Variants in RNF135 observed in about 807,000 individuals in gnomAD.
The protein encoded by RNF135 is E3 ubiquitin-protein ligase RNF135.
A neutral mutation model predicts 41.9 loss-of-function variants in RNF135; 46 were observed. The observed-to-expected ratio is 1.10, with a 90% CI of 0.87 to 1.40. RNF135 has a LOEUF of 1.40. RNF135 is among the 40% of genes most tolerant of loss of function. The probability of loss-of-function intolerance (pLI) is 0.00; values close to 1 mark genes in which losing one functional copy is unlikely to be tolerated. For missense variants in RNF135, 539 were observed against 549.8 expected (o/e 0.98, Z 0.20); for synonymous variants, 238 against 223.8 (o/e 1.06, Z -0.57).
intron 3 of RNF135, among the ~76,000 whole-genome samples, chr17:30,991,920 T>C (rs1008447375): frequency 6.6e-6 from 1 of 152,010 alleles, no homozygotes; most frequent in Admixed American, 6.6e-5. Flanking sequence ...TATAGACATT[T>C]TTAAATTTAT....
chr17:30,984,031 TGTATATTCTCA>T (rs1289559716), intron 1 of RNF135, among the ~76,000 whole-genome samples: 1 of 152,236 alleles, frequency 6.6e-6, no homozygotes, highest in African/African-American at 2.4e-5. Flanking sequence ...AGAAATTCTC[TGTATATTCTCA>T]GTATTAATGC....
At chr17:30,992,816 A>G (rs1202667341) in intron 3 of RNF135, among the ~76,000 whole-genome samples, 2 of 151,792 alleles carry the variant, frequency 1.3e-5, no homozygotes, top group African/African-American at 4.8e-5. Flanking sequence ...TTCTATTTTC[A>G]TGTAGTAAAT....
chr17:30,989,728 A>G (rs915859913), intron 3 of RNF135, among the ~76,000 whole-genome samples: 2 of 152,178 alleles, frequency 1.3e-5, no homozygotes, highest in Non-Finnish European at 1.5e-5. Flanking sequence ...TGGCCAGTGC[A>G]GTGGCTTATG....
chr17:30,998,241 A>G (rs531274147), intron 4 of RNF135, among the ~76,000 whole-genome samples: 24 of 152,260 alleles, frequency 1.6e-4, no homozygotes, highest in African/African-American at 5.8e-4. Flanking sequence ...TAAAATTGAC[A>G]TATAATAATT....
chr17:30,997,465 A>C (rs1233660890), intron 4 of RNF135, 134 bp downstream of exon 4: 1 of 795,098 alleles, frequency 1.3e-6, no homozygotes, highest in Non-Finnish European at 2.2e-6. Context: ...AGGTCCCTCC[A>C]CGGGGGGAGC....
intron 3 of RNF135, among the ~76,000 whole-genome samples, chr17:30,988,578 C>T (rs1346967766): frequency 6.6e-6 from 1 of 151,274 alleles, no homozygotes; most frequent in Non-Finnish European, 1.5e-5. Context: ...CAGGTGCCCG[C>T]CACCATGCTG....
intron 3 of RNF135, chr17:30,993,818 TAA>T: frequency 1.1e-6 from 1 of 909,548 alleles, no homozygotes; most frequent in Non-Finnish European, 1.7e-6. Context: ...ATTAATTAAT[TAA>T]TTTTTTTATT....
rs147819993 is a variant in RNF135 at position 30,999,122 on chromosome 17, G to A, written c.1230G>A (p.Leu410=). 5.9e-5 allele frequency: 95 copies of A among 1,613,982 alleles called. No homozygotes were observed. The highest frequency in any genetic ancestry group is 7.1e-5 in the Non-Finnish European group (84 of 1,180,032). Residue 410 remains leucine, a synonymous_variant, in exon 5 of 5, where the codon TTG becomes TTA. Transcript: ENST00000328381. Reference sequence around the variant, plus strand: ...GTACCATCTCTGCCTCCTCTCCTTTGTACCCTGCCTTCTGGCTGTATGGCT... The same window carrying A: ...GTACCATCTCTGCCTCCTCTCCTTTATACCCTGCCTTCTGGCTGTATGGCT... ...YECTISASSP[L]YPAFWLYGLH...
chr17:30,984,564 G>T, intron 1 of RNF135, 53 bp from the exon 2 acceptor site: 15 of 1,603,740 alleles, frequency 9.4e-6, no homozygotes, highest in Non-Finnish European at 1.3e-5. Context: ...TCTAGTGGTG[G>T]TTCCTGGGTC....
At chr17:30,975,476 C>G in intron 1 of RNF135, 1 of 777,246 alleles carries the variant, frequency 1.3e-6, no homozygotes, top group Non-Finnish European at 2.4e-6. Flanking sequence ...ACTGGAAGAT[C>G]TGAACATCTT....
At chr17:30,989,364 A>G (rs1238571829) in intron 3 of RNF135, among the ~76,000 whole-genome samples, 1 of 152,104 alleles carries the variant, frequency 6.6e-6, no homozygotes, top group African/African-American at 2.4e-5. Context: ...GTCTACAAAC[A>G]AAACCAGCAT....
chr17:30,970,718 A>G, upstream of RNF135: 2 of 304,598 alleles, frequency 6.6e-6, no homozygotes, highest in Admixed American at 5.1e-5. Flanking sequence ...TTTGTTGTTT[A>G]TTTTTTTTTA....
intron 1 of RNF135, among the ~76,000 whole-genome samples, chr17:30,979,638 G>A (rs1189469034): frequency 3.8e-3 from 418 of 110,806 alleles, no homozygotes; most frequent in East Asian, 8.2e-3. Flanking sequence ...CCTCCCGGAC[G>A]GGGCGGCTGG....
At position 30,971,042 on chromosome 17, in the gene RNF135, C is replaced by G. The variant is rs1338331630; in HGVS notation, c.-32C>G. 3.3e-6 allele frequency: 5 copies of G among 1,533,372 alleles called. No individual in the cohort carries two copies. Among genetic ancestry groups the G allele is most frequent in the South Asian group, 2.4e-5 (2 of 83,824 alleles). 95.0% of individuals were successfully genotyped at this position (1,533,372 alleles called of 1,614,324 possible). On this transcript the variant is annotated 5_prime_UTR_variant, in exon 1 of 5. Coordinates refer to ENST00000328381, the MANE Select transcript of RNF135 (RefSeq NM_032322.4). The stretch of plus-strand genomic sequence containing the variant: ...CCTGAGGAGACTCGCCCGGCTCAAC[C>G]CCGACGTCCGCGCCCCGGCCGCCTG...
chr17:30,981,123 C>T (rs1907111075), intron 1 of RNF135, among the ~76,000 whole-genome samples: 1 of 149,206 alleles, frequency 6.7e-6, no homozygotes, highest in South Asian at 2.1e-4. Flanking sequence ...CTCGGGAGGC[C>T]GAGGCTGGCG....
intron 2 of RNF135, among the ~76,000 whole-genome samples, chr17:30,986,139 A>G (rs1907567601): frequency 6.6e-6 from 1 of 151,046 alleles, no homozygotes; most frequent in Non-Finnish European, 1.5e-5. Flanking sequence ...CTTGTGCCAT[A>G]CTCTATATTA....
At chr17:30,965,763 G>A in the RNF135 span, among the ~76,000 whole-genome samples, 1 of 151,570 alleles carries the variant, frequency 6.6e-6, no homozygotes, top group Non-Finnish European at 1.5e-5. Context: ...TCAGTTTGGT[G>A]GGCAGGGGAC....
At chr17:30,975,334 AT>A (rs1906349263) in intron 1 of RNF135, 2 of 688,554 alleles carry the variant, frequency 2.9e-6, no homozygotes, top group Admixed American at 4.2e-5. Flanking sequence ...CCTTAAAAAA[AT>A]ATTGCTACTT....
At position 30,991,388 on chromosome 17, in the gene RNF135, A is replaced by G. The variant is rs141222938; in HGVS notation, c.679+3282A>G. ...CAAGAAAATACATTGACGTGAGAGTATACTGCGCGTTTTTTTTCTCTTTCT... is the reference window on the plus strand; with the variant it reads ...CAAGAAAATACATTGACGTGAGAGTGTACTGCGCGTTTTTTTTCTCTTTCT... On this transcript the variant is annotated intron_variant, in intron 3 of 4. Coordinates refer to ENST00000328381, the MANE Select transcript of RNF135 (RefSeq NM_032322.4). Among the ~76,000 whole-genome samples, 203 of 150,298 alleles carry G rather than the reference A, an allele frequency of 1.4e-3. 3 individuals carry two copies. Among genetic ancestry groups the G allele is most frequent in the African/African-American group, 4.8e-3 (196 of 40,882 alleles).
Sources: gnomAD v4.1 joint callset for allele counts (sites outside exome capture counted in the v4.1 genomes callset) on GRCh38, gnomAD v4.1.1 for gene constraint, MANE v1.5 for transcripts, NCBI Gene and HGNC (gene_info 2026-07-23, HGNC 2026-07-21) for gene names.